The following SEMA3D variants were observed in gnomAD, a reference collection of about 807,000 sequenced individuals.
SEMA3D encodes the protein semaphorin 3D, also known as semaphorin-3D.
Under a neutral mutation model 100.1 loss-of-function variants are expected in SEMA3D, and 84 were observed. The ratio of observed to expected loss-of-function variants is 0.84; its 90% CI spans 0.70 to 1.01. The LOEUF is 1.01. SEMA3D is among the 50% of genes least tolerant of loss of function. The pLI is 0.00. For synonymous variants in SEMA3D, 312 were observed against 320.7 expected (o/e 0.97, Z 0.29); for missense variants, 875 against 934.1 (o/e 0.94, Z 0.82).
intron 14 of SEMA3D, among the ~76,000 whole-genome samples, chr7:85,018,926 T>A (rs1336381651): frequency 6.6e-6 from 1 of 151,760 alleles, no homozygotes; most frequent in Non-Finnish European, 1.5e-5. Context: ...TCCATCTACC[T>A]ATCATCTATC....
At chr7:85,127,880 A>G (rs1789609691) in intron 2 of SEMA3D, among the ~76,000 whole-genome samples, 1 of 152,234 alleles carries the variant, frequency 6.6e-6, no homozygotes, top group Admixed American at 6.5e-5. Context: ...ACAACTTTTC[A>G]TGACCCAGAT....
intron 17 of SEMA3D, among the ~76,000 whole-genome samples, chr7:85,010,394 G>A (rs1562781445): frequency 6.6e-6 from 1 of 151,812 alleles, no homozygotes; most frequent in African/African-American, 2.4e-5. Flanking sequence ...ACTCTGGCTA[G>A]TAAGTGGGGT....
At chr7:85,092,493 A>G (rs1788425757) in intron 4 of SEMA3D, among the ~76,000 whole-genome samples, 1 of 152,072 alleles carries the variant, frequency 6.6e-6, no homozygotes, top group African/African-American at 2.4e-5. Context: ...TCTATAATGC[A>G]TATAAGTTGT....
chr7:85,147,197 G>T (rs1166881140), intron 2 of SEMA3D, among the ~76,000 whole-genome samples: 1 of 142,060 alleles, frequency 7.0e-6, no homozygotes, highest in South Asian at 2.3e-4. Flanking sequence ...CTGCCTCCCG[G>T]GTTCAAGTGT....
chr7:85,086,631 CGTGTGTGTGTGTGT>C (rs58818289), intron 4 of SEMA3D, among the ~76,000 whole-genome samples: 2 of 140,848 alleles, frequency 1.4e-5, no homozygotes, highest in Admixed American at 7.1e-5. Context: ...TCTCTCTCTC[CGTGTGTGTGTGTGT>C]GTGTGTGTGT....
chr7:85,214,825 A>G, the SEMA3D span, among the ~76,000 whole-genome samples: 1 of 152,106 alleles, frequency 6.6e-6, no homozygotes, highest in Non-Finnish European at 1.5e-5. Flanking sequence ...GATGATTTCA[A>G]TGGTTATTTC....
intron 2 of SEMA3D, among the ~76,000 whole-genome samples, chr7:85,123,615 A>G (rs1789489926): frequency 6.6e-6 from 1 of 152,090 alleles, no homozygotes; most frequent in Non-Finnish European, 1.5e-5. Flanking sequence ...TTTATACATG[A>G]TAAACATTTA....
chr7:85,075,817 G>A (rs1239275194), intron 5 of SEMA3D, among the ~76,000 whole-genome samples: 1 of 152,134 alleles, frequency 6.6e-6, no homozygotes, highest in Non-Finnish European at 1.5e-5. Flanking sequence ...TTTTACCTGA[G>A]GTTGACATTT....
chr7:85,011,144 C>G (rs1003727640), intron 17 of SEMA3D, among the ~76,000 whole-genome samples: 1 of 151,842 alleles, frequency 6.6e-6, no homozygotes, highest in Admixed American at 6.6e-5. Flanking sequence ...GGTTTAAAAT[C>G]AGCTCACAAA....
At chr7:85,244,301 A>C in the SEMA3D span, among the ~76,000 whole-genome samples, 3 of 152,048 alleles carry the variant, frequency 2.0e-5, no homozygotes, top group Non-Finnish European at 4.4e-5. Context: ...GGACTCGCTC[A>C]CTCCTGAGAA....
chr7:85,065,414 A>C lies in SEMA3D; in HGVS notation c.718+10T>G, dbSNP rs777240642. The C allele has an allele frequency of 9.3e-6, 15 of 1,612,004 alleles. No individual in the cohort carries two copies. The Admixed American group carries it at 2.2e-4, about 23-fold the overall frequency. ...AGACAATCAAAAGTAAACAAAAAAAAATCACAAACCATTGAGCCAGTAGTG... is the reference window on the plus strand; with the variant it reads ...AGACAATCAAAAGTAAACAAAAAAACATCACAAACCATTGAGCCAGTAGTG... On this transcript the variant is annotated intron_variant, in intron 8 of 18. Transcript: ENST00000284136.
upstream of SEMA3D, among the ~76,000 whole-genome samples, chr7:85,190,115 G>A (rs965988645): frequency 2.0e-5 from 3 of 152,086 alleles, no homozygotes; most frequent in Non-Finnish European, 4.4e-5. Flanking sequence ...CCTCTCAGCA[G>A]AAGATACTAA....
chr7:85,025,747 G>A (rs554197687), intron 12 of SEMA3D, among the ~76,000 whole-genome samples: 21 of 152,076 alleles, frequency 1.4e-4, no homozygotes, highest in South Asian at 6.2e-4. Flanking sequence ...AACAGTTGCC[G>A]TCTTATACCC....
At chr7:85,105,012 A>T (rs1442912071) in intron 3 of SEMA3D, among the ~76,000 whole-genome samples, 1 of 152,068 alleles carries the variant, frequency 6.6e-6, no homozygotes, top group Non-Finnish European at 1.5e-5. Flanking sequence ...GATATTCAGC[A>T]CAAATTATTG....
chr7:85,020,896 A>T (rs1393689151), intron 13 of SEMA3D, among the ~76,000 whole-genome samples: 1 of 151,676 alleles, frequency 6.6e-6, no homozygotes, highest in Non-Finnish European at 1.5e-5. Context: ...GTTTAAAATT[A>T]TTTAAGTTCA....
the SEMA3D span, among the ~76,000 whole-genome samples, chr7:85,244,981 AT>A: frequency 2.8e-4 from 42 of 151,986 alleles, no homozygotes; most frequent in East Asian, 1.9e-4. Flanking sequence ...AAGTGTTGGG[AT>A]TTACAGGCGT....
Position 85,034,308 on chromosome 7 carries a change from A to C in SEMA3D, c.1191+2581T>G, listed in dbSNP as rs142059556. Among the ~76,000 whole-genome samples, 629 of 152,222 alleles carry C rather than the reference A, an allele frequency of 4.1e-3. 5 individuals carry two copies. Among genetic ancestry groups the C allele is most frequent in the African/African-American group, 0.015 (605 of 41,556 alleles). On this transcript the variant is annotated intron_variant, in intron 12 of 18. Transcript: ENST00000284136. Reference sequence around the variant, plus strand: ...TCAATGAATAAAAAATAGTTAAAAAAGCATTAGAATGACCTAGGCCGGGCA... The same window carrying C: ...TCAATGAATAAAAAATAGTTAAAAACGCATTAGAATGACCTAGGCCGGGCA...
At chr7:85,091,879 C>T (rs1163046852) in intron 4 of SEMA3D, among the ~76,000 whole-genome samples, 1 of 151,984 alleles carries the variant, frequency 6.6e-6, no homozygotes, top group Non-Finnish European at 1.5e-5. Context: ...TTCTCTGACT[C>T]AGGAGATAGA....
chr7:85,019,939 G>A (rs1790208608), intron 14 of SEMA3D, among the ~76,000 whole-genome samples: 1 of 151,604 alleles, frequency 6.6e-6, no homozygotes, highest in African/African-American at 2.4e-5. Context: ...GATAGTAAAA[G>A]AGACCCCAGG....
Sources: gnomAD v4.1 joint callset for allele counts (sites outside exome capture counted in the v4.1 genomes callset) on GRCh38, gnomAD v4.1.1 for gene constraint, MANE v1.5 for transcripts, NCBI Gene and HGNC (gene_info 2026-07-23, HGNC 2026-07-21) for gene names.